DIAPH1: variants seen among roughly 807,000 people sequenced by gnomAD.
DIAPH1 encodes the protein protein diaphanous homolog 1.
Under a neutral mutation model 140.7 loss-of-function variants are expected in DIAPH1, and 46 were observed. The ratio of observed to expected loss-of-function variants is 0.33; its 90% CI spans 0.26 to 0.42. The LOEUF (loss-of-function observed/expected upper bound fraction) is 0.42. DIAPH1 is among the 10% of genes least tolerant of loss of function. The probability of loss-of-function intolerance (pLI) is 1.00; values close to 1 mark genes in which losing one functional copy is unlikely to be tolerated. For missense variants in DIAPH1, 1,310 were observed against 1,558.7 expected (o/e 0.84, Z 2.69); for synonymous variants, 565 against 551.6 (o/e 1.02, Z -0.34).
chr5:141,576,299 AAAGAAG>A lies in DIAPH1; in HGVS notation c.1397-11_1397-6del, dbSNP rs771642064. ...TTGTCTTATCAATCATTTGATCTGA[AAAGAAG>A]AAGAGTCAGTAAGTAAAGCTCCTAA... On this transcript the variant is annotated splice_polypyrimidine_tract_variant and splice_region_variant and intron_variant, in intron 13 of 27. Coordinates refer to ENST00000389054, the MANE Select transcript of DIAPH1 (RefSeq NM_005219.5). The A allele has an allele frequency of 6.2e-7, 1 of 1,611,330 alleles. No homozygotes were observed. Among genetic ancestry groups the A allele is most frequent in the South Asian group, 1.1e-5 (1 of 91,044 alleles).
chr5:141,530,303 A>C (rs1042102370), intron 19 of DIAPH1, among the ~76,000 whole-genome samples: 1 of 152,128 alleles, frequency 6.6e-6, no homozygotes, highest in Non-Finnish European at 1.5e-5. Flanking sequence ...TTTCACTGAT[A>C]TATCAGTTCC....
intron 18 of DIAPH1, among the ~76,000 whole-genome samples, chr5:141,556,205 C>T (rs577134687): frequency 6.6e-6 from 1 of 152,188 alleles, no homozygotes; most frequent in East Asian, 1.9e-4. Context: ...TCACCACATC[C>T]CCCCCGGCCC....
At chr5:141,579,715 C>A (rs748615658) in intron 8 of DIAPH1, among the ~76,000 whole-genome samples, 1 of 151,910 alleles carries the variant, frequency 6.6e-6, no homozygotes, top group Non-Finnish European at 1.5e-5. Context: ...TTTGGGAGGC[C>A]GAGGCGGGCG....
intron 16 of DIAPH1, 47 bp downstream of exon 16, chr5:141,573,445 A>AG (rs2099895501): frequency 6.3e-7 from 1 of 1,584,308 alleles, no homozygotes; most frequent in Admixed American, 1.7e-5. Flanking sequence ...AAAAAAAAAA[A>AG]AAAAAAAAAA....
rs551579777 is a variant in DIAPH1, at chr5:141,568,684, G to A, written c.2482+2744C>T. Reference sequence around the variant, plus strand: ...ACTACAGGAGGCAAATGTGCAGAGTGAGGCAGGTGCTTTCTTCAATGCCCA... The same window carrying A: ...ACTACAGGAGGCAAATGTGCAGAGTAAGGCAGGTGCTTTCTTCAATGCCCA... On this transcript the variant is annotated intron_variant, in intron 18 of 27. Transcript: ENST00000389054. Among the ~76,000 whole-genome samples the A allele has an allele frequency of 3.3e-5, 5 of 152,292 alleles. No individual in the cohort carries two copies. The East Asian group carries it at 9.6e-4, about 29-fold the overall frequency.
intron 18 of DIAPH1, among the ~76,000 whole-genome samples, chr5:141,554,361 C>T (rs1372649525): frequency 6.6e-6 from 1 of 152,044 alleles, no homozygotes; most frequent in Non-Finnish European, 1.5e-5. Flanking sequence ...TCTAGAAAAA[C>T]ATAACACATC....
At position 141,580,752 on chromosome 5, in the gene DIAPH1, T is replaced by C; in HGVS notation, c.816A>G (p.Pro272=). The C allele has an allele frequency of 6.2e-7, 1 of 1,614,086 alleles. No homozygotes were observed. The highest frequency in any genetic ancestry group is 8.5e-7 in the Non-Finnish European group (1 of 1,180,024). ...TTATTCCAGTCACATACATGTCCTCTGGCTGCGGTAGAATACAAAGAGCAG... is the reference window on the plus strand; with the variant it reads ...TTATTCCAGTCACATACATGTCCTCCGGCTGCGGTAGAATACAAAGAGCAG... The part of the protein sequence containing the change: ...LLSALCILPQ[P]EDMNERVLEA... The change falls in exon 8 of 28, where the codon CCA becomes CCG. Residue 272 remains proline (P), a synonymous_variant. Coordinates refer to ENST00000389054, the MANE Select transcript of DIAPH1 (RefSeq NM_005219.5).
In DIAPH1 at chr5:141,618,850, C is replaced by T. The variant is rs1474809251; in HGVS notation, c.65G>A (p.Ser22Asn). ...RGTRDKKKGR[S>N]PDELPSAGGD... ...GCCCGCCGAGGGCAGCTCATCTGGG[C>T]TCCGGCCCTTCTTCTTGTCCCGGGT... The change falls in exon 1 of 28, where the codon AGC becomes AAC. Residue 22 changes from serine (S) to asparagine (N), a missense_variant. By Grantham distance (46) the Ser-to-Asn change is conservative. Transcript: ENST00000389054. The T allele has an allele frequency of 4.5e-6, 7 of 1,538,536 alleles. No homozygotes were observed. In the Admixed American group the frequency reaches 8.0e-5, roughly 18 times the overall value.
At chr5:141,597,911 C>T (rs183751281) in intron 1 of DIAPH1, among the ~76,000 whole-genome samples, 3 of 152,322 alleles carry the variant, frequency 2.0e-5, no homozygotes, top group Admixed American at 2.0e-4. Context: ...ATATGGTAAG[C>T]TCAGAAGCAG....
chr5:141,533,998 C>T (rs1444892681), intron 19 of DIAPH1, among the ~76,000 whole-genome samples: 2 of 146,178 alleles, frequency 1.4e-5, no homozygotes, highest in African/African-American at 2.6e-5. Flanking sequence ...ATTATTACAC[C>T]CCAGCATGGG....
chr5:141,594,468 G>A (rs72792321), intron 1 of DIAPH1, among the ~76,000 whole-genome samples: 3,520 of 152,272 alleles, frequency 0.023, 56 homozygotes, highest in East Asian at 0.047. Context: ...ATGGCCGGGC[G>A]CGGTAGCTCA....
chr5:141,593,438 C>T (rs905050976), intron 1 of DIAPH1, among the ~76,000 whole-genome samples: 1 of 152,178 alleles, frequency 6.6e-6, no homozygotes, highest in Non-Finnish European at 1.5e-5. Context: ...CAGCACTTTT[C>T]CCCCTCTAGT....
At chr5:141,557,336 TG>T (rs2099892770) in intron 18 of DIAPH1, among the ~76,000 whole-genome samples, 2 of 152,202 alleles carry the variant, frequency 1.3e-5, no homozygotes, top group South Asian at 4.1e-4. Context: ...AAGACAAAGT[TG>T]ATACAGGTAT....
intron 7 of DIAPH1, 57 bp from the exon 8 acceptor site, chr5:141,580,940 G>A: frequency 2.5e-6 from 4 of 1,611,666 alleles, no homozygotes; most frequent in Non-Finnish European, 3.4e-6. Flanking sequence ...CTAACTGGGG[G>A]ACAAGTTTAC....
chr5:141,570,620 C>T (rs1285262371), intron 18 of DIAPH1, among the ~76,000 whole-genome samples: 11 of 151,954 alleles, frequency 7.2e-5, no homozygotes, highest in Non-Finnish European at 1.5e-5. Flanking sequence ...AAAGGAATTG[C>T]CTTTAAAAAT....
chr5:141,566,127 A>G (rs1376993563), intron 18 of DIAPH1, among the ~76,000 whole-genome samples: 5 of 152,238 alleles, frequency 3.3e-5, no homozygotes, highest in Non-Finnish European at 5.9e-5. Flanking sequence ...CAAATGGATT[A>G]GCGGGGCTGG....
At chr5:141,567,290 G>A (rs1044452207) in intron 18 of DIAPH1, among the ~76,000 whole-genome samples, 1 of 152,166 alleles carries the variant, frequency 6.6e-6, no homozygotes, top group Admixed American at 6.5e-5. Flanking sequence ...TATCACTAGT[G>A]ACAGTGAGAT....
chr5:141,591,884 C>G (rs1261870991), intron 1 of DIAPH1, among the ~76,000 whole-genome samples: 1 of 149,662 alleles, frequency 6.7e-6, no homozygotes, highest in Non-Finnish European at 1.5e-5. Context: ...GAGTTTGAGA[C>G]CAGCCTGACC....
intron 1 of DIAPH1, among the ~76,000 whole-genome samples, chr5:141,596,241 G>A (rs2099899301): frequency 6.6e-6 from 1 of 152,108 alleles, no homozygotes; most frequent in African/African-American, 2.4e-5. Flanking sequence ...GCTGAGGCAG[G>A]AGAATCACTT....
Sources: allele counts gnomAD v4.1 joint callset (sites outside exome capture counted in the v4.1 genomes callset), GRCh38; gene constraint gnomAD v4.1.1; transcripts MANE v1.5; gene names NCBI Gene and HGNC (gene_info 2026-07-23, HGNC 2026-07-21).